The following PHLDB1 variants were observed in gnomAD, a reference collection of about 807,000 sequenced individuals.
The protein encoded by PHLDB1 is pleckstrin homology-like domain family B member 1.
PHLDB1 carries 65 observed loss-of-function variants against 139.3 expected under a neutral mutation model. The ratio of observed to expected loss-of-function variants is 0.47; its 90% CI spans 0.38 to 0.57. The LOEUF (loss-of-function observed/expected upper bound fraction) is 0.57, where lower values mean the gene tolerates loss of function less well. Ranked by LOEUF, PHLDB1 falls within the 20% of genes least tolerant of loss-of-function variation. The pLI is 0.00. For synonymous variants in PHLDB1, 679 were observed against 734.5 expected (o/e 0.92, Z 1.22); for missense variants, 1,624 against 1,839.7 (o/e 0.88, Z 2.14).
chr11:118,656,543 T>A, intron 22 of PHLDB1, 140 bp from the exon 23 acceptor site: 6 of 698,246 alleles, frequency 8.6e-6, no homozygotes, highest in Middle Eastern at 4.1e-4. Flanking sequence ...ACTGGTAGGG[T>A]CTAGGCTCTG....
rs1944191771 is a variant in PHLDB1, at chr11:118,628,170, G to A, written c.1347G>A (p.Arg449=). The change falls in exon 6 of 23, where the codon CGG becomes CGA. Residue 449 remains arginine (R), a synonymous_variant. Coordinates refer to ENST00000600882, the MANE Select transcript of PHLDB1 (RefSeq NM_001144758.3). ...QPPESPRLGR[R]GLDSMRELPP... is the part of the protein sequence containing the mutation. ...CTGAGAGTCCCCGCCTGGGCCGGCG[G>A]GGCCTGGACAGTATGCGAGAACTAC... 6.2e-7 allele frequency: 1 copy of A among 1,614,058 alleles called. No homozygotes were observed.
upstream of PHLDB1, among the ~76,000 whole-genome samples, chr11:118,606,839 C>A (rs957586611): frequency 7.9e-5 from 12 of 152,308 alleles, no homozygotes; most frequent in Non-Finnish European, 1.2e-4. Context: ...ATGTCTATAG[C>A]CTGCCTCCAT....
chr11:118,635,974 T>C (rs1945576080), intron 10 of PHLDB1, among the ~76,000 whole-genome samples: 1 of 152,202 alleles, frequency 6.6e-6, no homozygotes, highest in Non-Finnish European at 1.5e-5. Context: ...AGGGCATTCA[T>C]TTCGGTTCCA....
chr11:118,632,561 T>C lies in PHLDB1; in HGVS notation c.2379+265T>C. 1 of 505,488 alleles carries C rather than the reference T, an allele frequency of 2.0e-6. No homozygotes were observed. 31.3% of individuals were successfully genotyped at this position (505,488 alleles called of 1,614,324 possible). On this transcript the variant is annotated intron_variant, in intron 9 of 22. Coordinates refer to ENST00000600882, the MANE Select transcript of PHLDB1 (RefSeq NM_001144758.3). This position sits in a 1 kb window ranked among gnomAD's most constrained non-coding sequence, Gnocchi z 5.9. ...TCTGGGTGCCTGCCATCCTAGGCCC[T>C]TTATGGCCCTTCTAGGAAGTGCCAA...
At chr11:118,654,534 G>T (rs922130296) in intron 20 of PHLDB1, 16 of 151,994 alleles carry the variant, frequency 1.1e-4, no homozygotes, top group Admixed American at 2.0e-4. Flanking sequence ...TTCTATAGGA[G>T]AATATAAACA....
chr11:118,650,211 C>T lies in PHLDB1; in HGVS notation c.3771+18C>T. ...GCAGCAAGGTACAAGGCGTGTGTGG[C>T]CCTGGGGTGCTGGGGAGAGGGAGAA... On this transcript the variant is annotated intron_variant, in intron 19 of 22. Coordinates refer to ENST00000600882, the MANE Select transcript of PHLDB1 (RefSeq NM_001144758.3). This position sits in a 1 kb window ranked among gnomAD's most constrained non-coding sequence, Gnocchi z 4.7. 6.4e-7 allele frequency: 1 copy of T among 1,568,828 alleles called. No homozygotes were observed. Among genetic ancestry groups the T allele is most frequent in the Non-Finnish European group, 8.8e-7 (1 of 1,138,764 alleles).
chr11:118,642,351 C>G lies in PHLDB1; in HGVS notation c.2834C>G (p.Ser945Cys), dbSNP rs782694723. 4 of 1,611,038 alleles carry G rather than the reference C, an allele frequency of 2.5e-6. No individual in the cohort carries two copies. The highest frequency in any genetic ancestry group is 2.2e-5 in the East Asian group (1 of 44,878). The change falls in exon 13 of 23, where the codon TCT becomes TGT. Residue 945 changes from serine (S) to cysteine (C), a missense_variant. Transcript: ENST00000600882. ...GTGPAAASPHSSPPPLPAKAS... is the reference protein window; with the variant it reads ...GTGPAAASPHCSPPPLPAKAS... ...GGCCCCGCTGCAGCCTCCCCTCACT[C>G]TTCTCCCCCGCCTCTGCCCGCCAAA...
Position 118,645,533 on chromosome 11 carries a change from A to C in PHLDB1, c.3299A>C (p.Glu1100Ala). 3 of 1,612,802 alleles carry C rather than the reference A, an allele frequency of 1.9e-6. No homozygotes were observed. The highest frequency in any genetic ancestry group is 2.5e-6 in the Non-Finnish European group (3 of 1,179,502). The change falls in exon 16 of 23, where the codon GAG becomes GCG. Residue 1100 changes from glutamate (E) to alanine (A), a missense_variant. Coordinates refer to ENST00000600882, the MANE Select transcript of PHLDB1 (RefSeq NM_001144758.3). The surrounding 1 kb of genome is among the most constrained non-coding windows in gnomAD (Gnocchi z 5.1). ...CTACACCACCTGCCTGCGGGGCGGG[A>C]GCGTGGGGAGGAGGGTGAGCACGCC... ...SILHHLPAGRERGEEGEHAYD... is the reference protein window; with the variant it reads ...SILHHLPAGRARGEEGEHAYD...
chr11:118,638,981 TC>T lies in PHLDB1; in HGVS notation c.2628del (p.Leu877TyrfsTer11). On this transcript the variant is annotated frameshift_variant, in exon 11 of 23. Transcript: ENST00000600882. LOFTEE classifies it high-confidence loss of function. ...ACGCCTGGCCCGGGACAAGAATGCC[TC>T]CTTACAGCTGCTGCAAAAGGTAGGG... Reference protein sequence around the residue: ...SERLARDKNASLQLLQKEKEK... With the variant: ...SERLARDKNAXLQLLQKEKEK... The T allele has an allele frequency of 6.2e-7, 1 of 1,613,396 alleles. No individual in the cohort carries two copies. The highest frequency in any genetic ancestry group is 1.3e-5 in the African/African-American group (1 of 75,018).
At position 118,647,975 on chromosome 11, in the gene PHLDB1, C is replaced by T. The variant is rs142425946; in HGVS notation, c.3553C>T (p.Arg1185Trp). Residue 1185 changes from arginine (R) to tryptophan (W), a missense_variant, in exon 18 of 23, where the codon CGG becomes TGG. By Grantham distance (101) the Arg-to-Trp change is moderately radical. Coordinates refer to ENST00000600882, the MANE Select transcript of PHLDB1 (RefSeq NM_001144758.3). ...GCGGCAGGCCCTGGAGGAGGAGCGG[C>T]GGAGGCGTGAGCAGGTAGAACGGAG... ...LRRQALEEERRRREQVERRLQ... is the reference protein window; with the variant it reads ...LRRQALEEERWRREQVERRLQ... 3.5e-4 allele frequency: 556 copies of T among 1,593,708 alleles called. No individual in the cohort carries two copies. Among genetic ancestry groups the T allele is most frequent in the Non-Finnish European group, 4.6e-4 (535 of 1,170,382 alleles).
At chr11:118,609,653 G>GC (rs1939787050) in intron 1 of PHLDB1, among the ~76,000 whole-genome samples, 1 of 152,242 alleles carries the variant, frequency 6.6e-6, no homozygotes, top group South Asian at 2.1e-4. Flanking sequence ...TGTGGGGGCC[G>GC]CCCCGTTTCC....
chr11:118,616,443 A>G (rs1399130468), intron 4 of PHLDB1, among the ~76,000 whole-genome samples: 1 of 152,084 alleles, frequency 6.6e-6, no homozygotes, highest in Admixed American at 6.5e-5. Context: ...CTGTCTCCAC[A>G]TACTATGGGG....
At chr11:118,631,847 C>T (rs1944867796) in intron 7 of PHLDB1, 66 bp from the exon 8 acceptor site, 1 of 1,510,688 alleles carries the variant, frequency 6.6e-7, no homozygotes, top group African/African-American at 1.4e-5. Flanking sequence ...AACAGGTGAT[C>T]CATTTTCTTA....
At chr11:118,646,241 C>G (rs1451677104) in intron 17 of PHLDB1, 4 of 109,752 alleles carry the variant, frequency 3.6e-5, no homozygotes, top group African/African-American at 1.4e-4. Context: ...GCCTGGGAGA[C>G]AGAGCGAGAC....
intron 15 of PHLDB1, chr11:118,644,894 C>G (rs114368330): frequency 5.6e-4 from 151 of 271,184 alleles, no homozygotes; most frequent in African/African-American, 3.0e-3. Flanking sequence ...TGCCTTCTTT[C>G]TTGCGTTTGT....
rs1275538353 is a variant in PHLDB1 at position 118,645,793 on chromosome 11, C to T, written c.3475C>T (p.His1159Tyr). 2 of 1,613,392 alleles carry T rather than the reference C, an allele frequency of 1.2e-6. No individual in the cohort carries two copies. Among genetic ancestry groups the T allele is most frequent in the Non-Finnish European group, 1.7e-6 (2 of 1,179,422 alleles). ...EEMEKMLKEAHAEKNRLMESR... is the reference protein window; with the variant it reads ...EEMEKMLKEAYAEKNRLMESR... ...GATGGAGAAGATGCTGAAAGAGGCTCATGCAGAGAAGAACCGGCTCATGGA... is the reference window on the plus strand; with the variant it reads ...GATGGAGAAGATGCTGAAAGAGGCTTATGCAGAGAAGAACCGGCTCATGGA... The change falls in exon 17 of 23, where the codon CAT (histidine) becomes TAT (tyrosine). Residue 1159 changes from histidine (H) to tyrosine (Y), a missense_variant. By Grantham distance (83) the His-to-Tyr change is moderately conservative (BLOSUM62 2). Coordinates refer to ENST00000600882, the MANE Select transcript of PHLDB1 (RefSeq NM_001144758.3). The surrounding 1 kb of genome is among the most constrained non-coding windows in gnomAD (Gnocchi z 5.1).
intron 15 of PHLDB1, chr11:118,644,656 T>C: frequency 7.8e-7 from 1 of 1,289,380 alleles, no homozygotes; most frequent in Non-Finnish European, 1.0e-6. Context: ...GTCGAGTCGC[T>C]TCCCGCCGAG....
intron 4 of PHLDB1, among the ~76,000 whole-genome samples, chr11:118,617,368 C>T (rs1353830352): frequency 1.3e-5 from 2 of 152,148 alleles, no homozygotes; most frequent in Non-Finnish European, 2.9e-5. Flanking sequence ...TTGGAAGTGG[C>T]CATCCTACTC....
intron 12 of PHLDB1, chr11:118,641,655 G>A (rs1011005713): frequency 7.0e-6 from 9 of 1,288,086 alleles, no homozygotes; most frequent in South Asian, 2.5e-5. Context: ...GGGGCACCTC[G>A]CCCATGCCCC....
Sources: allele counts gnomAD v4.1 joint callset (sites outside exome capture counted in the v4.1 genomes callset), GRCh38; gene constraint gnomAD v4.1.1; non-coding constraint Gnocchi (gnomAD v3.1); transcripts MANE v1.5; gene names NCBI Gene and HGNC (gene_info 2026-07-23, HGNC 2026-07-21).